SDK1: variants seen among roughly 807,000 people sequenced by gnomAD.
The protein encoded by SDK1 is sidekick cell adhesion molecule 1.
A neutral mutation model predicts 245.5 loss-of-function variants in SDK1; 157 were observed. The observed-to-expected ratio is 0.64, with a 90% CI of 0.56 to 0.73. SDK1 has a LOEUF of 0.73. SDK1 is among the 30% of genes least tolerant of loss of function. The pLI, the probability that SDK1 is intolerant of heterozygous loss-of-function variation, is 0.00. For synonymous variants in SDK1, 1,647 were observed against 1,278.5 expected (o/e 1.29, Z -6.15); for missense variants, 3,583 against 3,002.3 (o/e 1.19, Z -4.52).
At chr7:3,950,896 T>C (rs1414007371) in intron 5 of SDK1, 27 bp from the exon 6 acceptor site, 1 of 1,581,378 alleles carries the variant, frequency 6.3e-7, no homozygotes, top group Non-Finnish European at 8.7e-7. Flanking sequence ...TAGAGTTTCA[T>C]GGACATTTCT....
chr7:3,657,459 C>T (rs1360018293), intron 4 of SDK1, among the ~76,000 whole-genome samples: 2 of 152,116 alleles, frequency 1.3e-5, no homozygotes, highest in Non-Finnish European at 2.9e-5. Flanking sequence ...CAGGGTCCTA[C>T]CCAAATGTGA....
At chr7:4,156,778 C>A in intron 30 of SDK1, among the ~76,000 whole-genome samples, 1 of 152,182 alleles carries the variant, frequency 6.6e-6, no homozygotes, top group Non-Finnish European at 1.5e-5. Context: ...GTGTGGGCCT[C>A]TGGACTTCAG....
chr7:3,910,062 G>A (rs1212726513), intron 5 of SDK1, among the ~76,000 whole-genome samples: 17 of 152,216 alleles, frequency 1.1e-4, no homozygotes, highest in East Asian at 7.7e-4. Flanking sequence ...AGAGGCTGAT[G>A]TGGAATCATT....
chr7:4,142,422 G>A (rs10951438), intron 28 of SDK1, among the ~76,000 whole-genome samples: 81,762 of 151,570 alleles, frequency 0.54, 22,693 homozygotes, highest in East Asian at 0.85. Flanking sequence ...TCCGCCTCCC[G>A]GGTTCAAGCG....
At chr7:3,401,159 A>G (rs1349079151) in intron 1 of SDK1, among the ~76,000 whole-genome samples, 1 of 152,166 alleles carries the variant, frequency 6.6e-6, no homozygotes, top group Non-Finnish European at 1.5e-5. Context: ...ATCACGCTTC[A>G]CTTACTAAAA....
chr7:4,086,002 GC>G (rs1211982488), intron 22 of SDK1, among the ~76,000 whole-genome samples: 1 of 152,200 alleles, frequency 6.6e-6, no homozygotes, highest in African/African-American at 2.4e-5. Context: ...TTGCCTGTCT[GC>G]CACATAGATA....
chr7:3,996,208 A>C (rs1403758644), intron 14 of SDK1, among the ~76,000 whole-genome samples: 1 of 152,156 alleles, frequency 6.6e-6, no homozygotes, highest in Non-Finnish European at 1.5e-5. Flanking sequence ...GGACCTGTTT[A>C]TACAAAAGTC....
chr7:4,061,426 A>C (rs1418285395), intron 19 of SDK1, among the ~76,000 whole-genome samples: 1 of 152,162 alleles, frequency 6.6e-6, no homozygotes, highest in Non-Finnish European at 1.5e-5. Flanking sequence ...TCAAAACCAC[A>C]ATGAGATACC....
intron 1 of SDK1, among the ~76,000 whole-genome samples, chr7:3,432,638 C>T (rs1379630868): frequency 6.6e-6 from 1 of 152,074 alleles, no homozygotes; most frequent in Non-Finnish European, 1.5e-5. Context: ...CAAGGTAATA[C>T]TTGAATTTTA....
chr7:3,984,646 C>G (rs1256399723), intron 13 of SDK1, among the ~76,000 whole-genome samples: 1 of 152,062 alleles, frequency 6.6e-6, no homozygotes, highest in African/African-American at 2.4e-5. Flanking sequence ...GCTGTACAAC[C>G]CTCTCCTGCC....
chr7:4,266,729 C>T lies in SDK1; in HGVS notation c.*1345C>T, dbSNP rs1490955645. ...AGACGACTGGGCTGCCATGGTCCAC[C>T]CCTCAGCCCGGGTCCCGGGTCTGGA... On this transcript the variant is annotated 3_prime_UTR_variant, in exon 45 of 45. Transcript: ENST00000404826. The T allele has an allele frequency of 4.1e-6, 4 of 985,380 alleles. No homozygotes were observed. The highest frequency in any genetic ancestry group is 4.8e-6 in the Non-Finnish European group (4 of 829,960). 61.0% of individuals were successfully genotyped at this position (985,380 alleles called of 1,614,324 possible).
intron 17 of SDK1, among the ~76,000 whole-genome samples, chr7:4,021,219 G>A (rs909594602): frequency 2.0e-5 from 3 of 152,158 alleles, no homozygotes; most frequent in African/African-American, 4.8e-5. Flanking sequence ...CATGAAATAA[G>A]AGCAGGAAGT....
intron 35 of SDK1, among the ~76,000 whole-genome samples, chr7:4,194,366 GTGTATACATGTATGTGTATACATGTA>G: frequency 9.6e-5 from 9 of 94,054 alleles, no homozygotes; most frequent in Non-Finnish European, 1.9e-4. Flanking sequence ...ATGCACGTAT[GTGTATACATGTATGTGTATACATGTA>G]TACATATATG....
At chr7:3,692,840 G>A (rs1423316206) in intron 4 of SDK1, among the ~76,000 whole-genome samples, 1 of 152,000 alleles carries the variant, frequency 6.6e-6, no homozygotes, top group Admixed American at 6.5e-5. Context: ...TCGAGTTTAC[G>A]TATCCTTGGC....
chr7:3,654,067 G>A (rs1402735730), intron 4 of SDK1, among the ~76,000 whole-genome samples: 1 of 152,182 alleles, frequency 6.6e-6, no homozygotes, highest in Non-Finnish European at 1.5e-5. Flanking sequence ...AGTGCACGTA[G>A]CTGTCTCTGT....
At chr7:3,696,572 T>TTGTGTGTG (rs71552319) in intron 4 of SDK1, among the ~76,000 whole-genome samples, 5,694 of 147,946 alleles carry the variant, frequency 0.038, 350 homozygotes, top group African/African-American at 0.13. Context: ...TTCTCTGTGT[T>TTGTGTGTG]TGTGTGTGTG....
At chr7:3,573,170 A>G (rs558862731) in intron 1 of SDK1, among the ~76,000 whole-genome samples, 36 of 152,212 alleles carry the variant, frequency 2.4e-4, no homozygotes, top group Non-Finnish European at 5.1e-4. Flanking sequence ...TTATCTGATG[A>G]AATACTTAGG....
intron 4 of SDK1, among the ~76,000 whole-genome samples, chr7:3,790,458 G>A (rs1040400679): frequency 6.6e-6 from 1 of 152,144 alleles, no homozygotes; most frequent in African/African-American, 2.4e-5. Flanking sequence ...GTTTGGAGCT[G>A]AGAAATCAGA....
chr7:3,579,592 C>A (rs1248410919), intron 1 of SDK1, among the ~76,000 whole-genome samples: 1 of 152,152 alleles, frequency 6.6e-6, no homozygotes, highest in African/African-American at 2.4e-5. Context: ...AAGCTGGAAG[C>A]ATTCCCTTTG....
Sources: gnomAD v4.1 joint callset for allele counts (sites outside exome capture counted in the v4.1 genomes callset) on GRCh38, gnomAD v4.1.1 for gene constraint, MANE v1.5 for transcripts, NCBI Gene and HGNC (gene_info 2026-07-23, HGNC 2026-07-21) for gene names.